The following TRPV1 variants were observed in gnomAD, a reference collection of about 807,000 sequenced individuals.
TRPV1 encodes the protein transient receptor potential cation channel subfamily V member 1, also known as OTRPC1.
TRPV1 carries 82 observed loss-of-function variants against 82.3 expected under a neutral mutation model. The ratio of observed to expected loss-of-function variants is 1.00; its 90% confidence interval spans 0.83 to 1.20. The LOEUF is 1.20. Among genes scored for constraint, TRPV1 ranks in the 50% most tolerant of loss-of-function variants. The pLI is 0.00. For missense variants in TRPV1, 1,067 were observed against 1,096.8 expected, an observed-to-expected ratio of 0.97 and a Z score of 0.38; for synonymous variants, 515 against 467.7, an observed-to-expected ratio of 1.10 and a Z score of -1.30.
chr17:3,589,836 C>A lies in TRPV1; in HGVS notation c.1015G>T (p.Ala339Ser). ...ATCTTCCCGGTCCCAGCTGCCAGAG[C>A]CAGCGGCGTCATTCCCTTCTTGTTG... ...LTNKKGMTPLALAAGTGKIGV... is the reference protein window; with the variant it reads ...LTNKKGMTPLSLAAGTGKIGV... The change falls in exon 7 of 17, where the codon GCT becomes TCT. Residue 339 changes from alanine to serine, a missense_variant. Transcript: ENST00000572705. The A allele has an allele frequency of 6.2e-7, 1 of 1,613,642 alleles. No individual in the cohort carries two copies. The highest frequency in any genetic ancestry group is 8.5e-7 in the Non-Finnish European group (1 of 1,179,696).
Position 3,600,737 on chromosome 17 carries a change from G to A in TRPV1, c.-34+7690C>T, listed in dbSNP as rs1004452521. On this transcript the variant is annotated intron_variant, in intron 2 of 16. Coordinates refer to ENST00000572705, the MANE Select transcript of TRPV1 (RefSeq NM_080704.4). ...TACAGGGCACAGTGCCTGCTCAGAG[G>A]CCTGCAGGGGAAGTCCCGGCCCTCC... Among the ~76,000 whole-genome samples, 4 of 152,290 alleles carry A rather than the reference G, an allele frequency of 2.6e-5. No individual in the cohort carries two copies. The South Asian group carries it at 8.3e-4, about 32-fold the overall frequency.
At chr17:3,573,126 C>A (rs1313290124) in intron 14 of TRPV1, among the ~76,000 whole-genome samples, 1 of 151,850 alleles carries the variant, frequency 6.6e-6, no homozygotes, top group Non-Finnish European at 1.5e-5. Context: ...AAGAACGAAA[C>A]TTATTATTAG....
intron 2 of TRPV1, among the ~76,000 whole-genome samples, chr17:3,593,541 T>A (rs2075188215): frequency 6.6e-6 from 1 of 151,772 alleles, no homozygotes; most frequent in South Asian, 2.1e-4. Context: ...TCCCATCGGG[T>A]CTCCACCTAA....
At chr17:3,588,423 A>T in intron 7 of TRPV1, 56 bp from the exon 8 acceptor site, 1 of 1,524,374 alleles carries the variant, frequency 6.6e-7, no homozygotes, top group Non-Finnish European at 8.9e-7. Flanking sequence ...AGCCTCAGAC[A>T]GTACCTCAAC....
At chr17:3,589,313 G>C (rs761601836) in intron 7 of TRPV1, among the ~76,000 whole-genome samples, 9 of 150,058 alleles carry the variant, frequency 6.0e-5, no homozygotes, top group Admixed American at 1.3e-4. Flanking sequence ...TTCAAGTGAT[G>C]TTTGTGCCTC....
In TRPV1 at chr17:3,576,668, A is replaced by AAAAAAAAAAATAT; in HGVS notation, c.1780+457_1780+458insATATTTTTTTTTT. ...CTCTGTATGAGAAAAAAAAAAAAAA[A>AAAAAAAAAAATAT]ATATATATATATATATATATATGCA... On this transcript the variant is annotated intron_variant, in intron 13 of 16. Coordinates refer to ENST00000572705, the MANE Select transcript of TRPV1 (RefSeq NM_080704.4). 5.3e-3 allele frequency among the ~76,000 whole-genome samples: 203 copies of AAAAAAAAAAATAT among 38,380 alleles called. 2 individuals carry two copies. Among genetic ancestry groups the AAAAAAAAAAATAT allele is most frequent in the Non-Finnish European group, 9.5e-3 (180 of 18,992 alleles). The allele number at this position is 38,380 out of a possible 152,430, so 25.2% of individuals were successfully genotyped here. A position where few individuals can be genotyped will look rare whatever the true frequency, so the allele number is the denominator to read the frequency against.
intron 11 of TRPV1, 151 bp from the exon 12 acceptor site, chr17:3,577,914 T>C: frequency 1.5e-6 from 1 of 682,862 alleles, no homozygotes; most frequent in South Asian, 2.0e-5. Flanking sequence ...GCCCAGGCGT[T>C]CTCCGTGGAA....
intron 15 of TRPV1, 35 bp from the exon 16 acceptor site, chr17:3,571,674 G>A (rs778464477): frequency 1.3e-6 from 2 of 1,534,492 alleles, no homozygotes; most frequent in Non-Finnish European, 1.8e-6. Flanking sequence ...CCTGAGAGCT[G>A]TGCCCAGCTT....
chr17:3,577,964 G>A (rs866865180), intron 11 of TRPV1: 56 of 560,310 alleles, frequency 1.0e-4, no homozygotes, highest in Middle Eastern at 9.5e-4. Flanking sequence ...GCTTGGTGAG[G>A]AGCTGTGCAA....
chr17:3,587,090 T>G (rs1413807969), intron 8 of TRPV1, among the ~76,000 whole-genome samples: 3 of 152,160 alleles, frequency 2.0e-5, no homozygotes, highest in African/African-American at 7.2e-5. Flanking sequence ...CTGAGAGCCT[T>G]TAGAGACATG....
intron 3 of TRPV1, among the ~76,000 whole-genome samples, chr17:3,591,659 C>T (rs1041473790): frequency 1.1e-4 from 16 of 152,088 alleles, no homozygotes; most frequent in African/African-American, 2.2e-4. Context: ...CTGGTGGGGA[C>T]GGAGGGAGGT....
At position 3,592,275 on chromosome 17, in the gene TRPV1, C is replaced by G. The variant is rs2075169327; in HGVS notation, c.76G>C (p.Asp26His). The change falls in exon 3 of 17, where the codon GAT becomes CAT. Residue 26 changes from aspartate to histidine, a missense_variant. By Grantham distance (81) the Asp-to-His change is moderately conservative. Coordinates refer to ENST00000572705, the MANE Select transcript of TRPV1 (RefSeq NM_080704.4). ...LQKDTCPDPL[D>H]GDPNSRPPPA... ...GGTGGCCTGGAGTTAGGGTCTCCAT[C>G]CAGGGGGTCTGGGCAGGTGTCCTTT... is the stretch of plus-strand genomic sequence containing the variant. The G allele has an allele frequency of 6.2e-7, 1 of 1,606,358 alleles. No homozygotes were observed. Among genetic ancestry groups the G allele is most frequent in the Non-Finnish European group, 8.5e-7 (1 of 1,176,396 alleles).
At chr17:3,606,495 G>T (rs2075296936) in intron 2 of TRPV1, among the ~76,000 whole-genome samples, 1 of 152,216 alleles carries the variant, frequency 6.6e-6, no homozygotes. Context: ...GGATCGGGGG[G>T]AAGGTGCAGC....
chr17:3,585,941 G>A lies in TRPV1; in HGVS notation c.1225-15C>T. ...TCGTGGCGATTCTAGGGGGTGGGGA[G>A]AGAAGTGAGGTTCCCTCCTGCAGCA... On this transcript the variant is annotated splice_polypyrimidine_tract_variant and intron_variant, in intron 8 of 16. Coordinates refer to ENST00000572705, the MANE Select transcript of TRPV1 (RefSeq NM_080704.4). 6.2e-7 allele frequency: 1 copy of A among 1,613,446 alleles called. No individual in the cohort carries two copies. Among genetic ancestry groups the A allele is most frequent in the Non-Finnish European group, 8.5e-7 (1 of 1,179,688 alleles).
At chr17:3,571,995 C>T (rs2074859937) in intron 15 of TRPV1, 127 bp downstream of exon 15, 7 of 1,278,650 alleles carry the variant, frequency 5.5e-6, no homozygotes, top group Admixed American at 2.3e-5. Context: ...CCAATCCCTA[C>T]AGCTGGCATT....
chr17:3,601,003 C>G (rs2075257917), intron 2 of TRPV1, among the ~76,000 whole-genome samples: 1 of 152,092 alleles, frequency 6.6e-6, no homozygotes, highest in Admixed American at 6.6e-5. Context: ...CCTGAATCTG[C>G]AGGTGAAGCC....
intron 2 of TRPV1, among the ~76,000 whole-genome samples, chr17:3,599,515 C>A (rs955691745): frequency 7.7e-6 from 1 of 130,204 alleles, no homozygotes; most frequent in Non-Finnish European, 1.5e-5. Context: ...GTCCTCTGGT[C>A]AGGAATCATA....
At chr17:3,583,255 A>G in intron 10 of TRPV1, 83 bp downstream of exon 10, 2 of 1,230,112 alleles carry the variant, frequency 1.6e-6, no homozygotes, top group Non-Finnish European at 2.3e-6. Context: ...TGATGAATTA[A>G]AAAGTGAGTG....
intron 13 of TRPV1, among the ~76,000 whole-genome samples, chr17:3,576,806 G>C (rs2074938363): frequency 7.4e-6 from 1 of 134,858 alleles, no homozygotes; most frequent in Non-Finnish European, 1.5e-5. Flanking sequence ...CCAAGGTCGT[G>C]CCACTGCACT....
Sources: allele counts gnomAD v4.1 joint callset (sites outside exome capture counted in the v4.1 genomes callset), GRCh38; gene constraint gnomAD v4.1.1; transcripts MANE v1.5; gene names NCBI Gene and HGNC (gene_info 2026-07-23, HGNC 2026-07-21).